CNTNAP3B: variants seen among roughly 807,000 people sequenced by gnomAD.
CNTNAP3B encodes contactin associated protein family member 3B, also known as contactin-associated protein-like 3B.
In CNTNAP3B, 25 loss-of-function variants were observed where a neutral mutation model predicts 108.9. That is an observed-to-expected ratio of 0.23 (90% CI 0.17 to 0.32). The LOEUF is 0.32. Among genes scored for constraint, CNTNAP3B ranks in the 10% least tolerant of loss-of-function variants. CNTNAP3B has a pLI of 1.00. For synonymous variants in CNTNAP3B, 103 were observed against 473.4 expected (o/e 0.22, Z 10.16); for missense variants, 252 against 1,210.4 (o/e 0.21, Z 11.75).
chr9:42,110,535 A>G (rs1404958802), intron 1 of CNTNAP3B, among the ~76,000 whole-genome samples: 1 of 136,952 alleles, frequency 7.3e-6, no homozygotes, highest in African/African-American at 2.9e-5. Flanking sequence ...TTGTTCTAAA[A>G]AAAAAAAAAA....
At chr9:41,924,644 T>TGCGCGTGCGC (rs1482014228) in intron 15 of CNTNAP3B, among the ~76,000 whole-genome samples, 1 of 95,520 alleles carries the variant, frequency 1.0e-5, no homozygotes, top group Admixed American at 1.0e-4. Context: ...CTTTCCTTCC[T>TGCGCGTGCGC]GCACACACAC....
chr9:41,952,819 G>C (rs1406875526), intron 13 of CNTNAP3B, among the ~76,000 whole-genome samples: 2 of 150,414 alleles, frequency 1.3e-5, no homozygotes, highest in African/African-American at 4.9e-5. Context: ...GAAGAGTAAG[G>C]AGGTTACCGG....
chr9:41,953,584 C>T (rs1409154481), intron 12 of CNTNAP3B, among the ~76,000 whole-genome samples, 198 bp from the exon 13 acceptor site: 2 of 150,898 alleles, frequency 1.3e-5, no homozygotes, highest in African/African-American at 4.9e-5. Flanking sequence ...ATTGGAAGAA[C>T]TGATGACCAA....
At chr9:41,955,957 C>T (rs1355039628) in intron 12 of CNTNAP3B, among the ~76,000 whole-genome samples, 1 of 152,198 alleles carries the variant, frequency 6.6e-6, no homozygotes, top group Admixed American at 6.5e-5. Context: ...ACCAGCCTAA[C>T]TTAAATGTGC....
intron 9 of CNTNAP3B, chr9:41,979,838 C>G (rs1825591074): frequency 8.0e-6 from 1 of 124,462 alleles, no homozygotes; most frequent in Admixed American, 8.4e-5. Context: ...ATCCGCCGGC[C>G]TCAGCCTCCC....
In CNTNAP3B at chr9:41,960,892, G is replaced by A. The variant is rs1330528075; in HGVS notation, c.1757C>T (p.Ser586Phe). 6.2e-7 allele frequency: 1 copy of A among 1,610,466 alleles called. No homozygotes were observed. Among genetic ancestry groups the A allele is most frequent in the African/African-American group, 1.3e-5 (1 of 74,770 alleles). Residue 586 changes from serine (S) to phenylalanine (F), a missense_variant and splice_region_variant, in exon 12 of 24, where the codon TCT becomes TTT. Coordinates refer to ENST00000377561, the MANE Select transcript of CNTNAP3B (RefSeq NM_001201380.3). ...TGYTGETCHS[S>F]LYEQSCEAHK... ...GGCTTCACAAGACTGCTCGTAGAGA[G>A]CTGTAGGAGAACACCAGCCATAAGA...
chr9:42,107,547 C>G (rs1450838720), intron 1 of CNTNAP3B, among the ~76,000 whole-genome samples: 1 of 123,490 alleles, frequency 8.1e-6, no homozygotes, highest in Admixed American at 8.4e-5. Context: ...TCTGTAAAGA[C>G]AGCTGGAAAC....
chr9:41,943,063 A>C (rs1454008651), intron 13 of CNTNAP3B, among the ~76,000 whole-genome samples: 1 of 152,290 alleles, frequency 6.6e-6, no homozygotes. Flanking sequence ...ATTTGAAATA[A>C]TAATCAATAT....
rs1326864882 is a variant in CNTNAP3B at position 42,044,824 on chromosome 9, G to A, written c.391-31299C>T. On this transcript the variant is annotated intron_variant, in intron 3 of 23. Transcript: ENST00000377561. ...CTAAGATAGTGTATGGCTTTACAAT[G>A]TATAGCTCTCTCCTCCAAGTACATT... is the stretch of plus-strand genomic sequence containing the variant. Among the ~76,000 whole-genome samples the A allele has an allele frequency of 3.9e-5, 5 of 128,378 alleles. 1 individual carries two copies. The highest frequency in any genetic ancestry group is 8.0e-5 in the Admixed American group (1 of 12,578). The allele number at this position is 128,378 out of a possible 152,430, so 84.2% of individuals were successfully genotyped here.
intron 3 of CNTNAP3B, among the ~76,000 whole-genome samples, chr9:42,070,587 G>C (rs1341860600): frequency 6.7e-6 from 1 of 149,702 alleles, no homozygotes; most frequent in Non-Finnish European, 1.5e-5. Context: ...AACCAACTGT[G>C]TGTCTGGCAT....
chr9:41,948,253 A>G (rs1824583322), intron 13 of CNTNAP3B, among the ~76,000 whole-genome samples: 1 of 148,062 alleles, frequency 6.8e-6, no homozygotes, highest in African/African-American at 2.5e-5. Flanking sequence ...CACCACACCC[A>G]ACTAATTTTT....
intron 17 of CNTNAP3B, among the ~76,000 whole-genome samples, chr9:41,920,810 G>A (rs1207803225): frequency 4.6e-5 from 7 of 152,306 alleles, no homozygotes; most frequent in African/African-American, 1.7e-4. Context: ...AATAAAGTGT[G>A]AAAGGAAATG....
rs1415080907 is a variant in CNTNAP3B at position 42,115,950 on chromosome 9, G to A, written c.86-11211C>T. The stretch of plus-strand genomic sequence containing the variant: ...CTAAAGGAGGATGTTCGAACCCGTC[G>A]CAAAGAAGCTAAAAACCTTGAAAAA... On this transcript the variant is annotated intron_variant, in intron 1 of 23. Transcript: ENST00000377561. 6.7e-5 allele frequency among the ~76,000 whole-genome samples: 9 copies of A among 133,722 alleles called. 1 individual carries two copies. The highest frequency in any genetic ancestry group is 2.5e-4 in the South Asian group (1 of 4,076). The allele number at this position is 133,722 out of a possible 152,430, so 87.7% of individuals were successfully genotyped here.
intron 10 of CNTNAP3B, among the ~76,000 whole-genome samples, chr9:41,964,991 T>G (rs1825225886): frequency 6.6e-6 from 1 of 152,246 alleles, no homozygotes; most frequent in African/African-American, 2.4e-5. Flanking sequence ...GTGGTCATTT[T>G]TAAAAGAAAG....
chr9:41,968,292 G>T (rs1295352788), intron 10 of CNTNAP3B, among the ~76,000 whole-genome samples: 2 of 143,258 alleles, frequency 1.4e-5, no homozygotes, highest in African/African-American at 5.4e-5. Flanking sequence ...GGGCCCATGG[G>T]ACATTACCCC....
At chr9:41,950,820 G>C (rs1824654636) in intron 13 of CNTNAP3B, among the ~76,000 whole-genome samples, 1 of 142,082 alleles carries the variant, frequency 7.0e-6, no homozygotes, top group African/African-American at 2.6e-5. Context: ...GAGTGCAGTG[G>C]CGCCATCTCG....
At chr9:41,927,706 A>G (rs1260916939) in intron 15 of CNTNAP3B, among the ~76,000 whole-genome samples, 4 of 152,324 alleles carry the variant, frequency 2.6e-5, no homozygotes, top group African/African-American at 9.6e-5. Context: ...GATAAACAGA[A>G]AAGATGATTT....
intron 1 of CNTNAP3B, among the ~76,000 whole-genome samples, chr9:42,117,407 A>G: frequency 7.3e-6 from 1 of 137,416 alleles, no homozygotes; most frequent in Non-Finnish European, 1.6e-5. Context: ...AAACTGAACA[A>G]CCTGCTCCTG....
chr9:41,979,185 G>GAAAAATGGAA (rs1825575915), intron 9 of CNTNAP3B, among the ~76,000 whole-genome samples: 1 of 127,880 alleles, frequency 7.8e-6, no homozygotes. Context: ...TTTTCATAAG[G>GAAAAATGGAA]ACACTGGTCA....
Sources: gnomAD v4.1 joint callset for allele counts (sites outside exome capture counted in the v4.1 genomes callset) on GRCh38, gnomAD v4.1.1 for gene constraint, MANE v1.5 for transcripts, NCBI Gene and HGNC (gene_info 2026-07-23, HGNC 2026-07-21) for gene names.